Variants in SDK2 observed in about 807,000 individuals in gnomAD.
SDK2 encodes sidekick cell adhesion molecule 2.
Under a neutral mutation model 253.9 loss-of-function variants are expected in SDK2, and 105 were observed. The observed-to-expected ratio is 0.41, with a 90% CI of 0.35 to 0.49. SDK2 has a LOEUF of 0.49. Among genes scored for constraint, SDK2 ranks in the 20% least tolerant of loss-of-function variants. The pLI is 0.06. For synonymous variants in SDK2, 1,249 were observed against 1,234.9 expected, an observed-to-expected ratio of 1.01 and a Z score of -0.24; for missense variants, 2,608 against 3,003.0, an observed-to-expected ratio of 0.87 and a Z score of 3.07.
At position 73,352,499 on chromosome 17, in the gene SDK2, G is replaced by A; in HGVS notation, c.5732C>T (p.Pro1911Leu). The change falls in exon 41 of 45, where the codon CCC (proline) becomes CTC (leucine). Residue 1911 changes from proline (P) to leucine (L), a missense_variant. Pro to Leu is a moderately conservative substitution (Grantham distance 98). This residue lies in a region of SDK2 where 1,103 missense variants were observed against 1,143.9 expected (regional missense o/e 0.96). Coordinates refer to ENST00000392650, the MANE Select transcript of SDK2 (RefSeq NM_001144952.2). The surrounding 1 kb of genome is among the most constrained non-coding windows in gnomAD (Gnocchi z 4.1). ...TGGCACAGACTGGGAGGGGCTGCTG[G>A]GGGTGCCGAAACCATAGTCGTTGAC... is the stretch of plus-strand genomic sequence containing the variant. ...IAVNDYGFGTPSSPSQSVPAQ... is the reference protein window; with the variant it reads ...IAVNDYGFGTLSSPSQSVPAQ... 2 of 1,613,672 alleles carry A rather than the reference G, an allele frequency of 1.2e-6. No homozygotes were observed. The highest frequency in any genetic ancestry group is 1.7e-6 in the Non-Finnish European group (2 of 1,179,794).
rs200499035 is a variant in SDK2, at chr17:73,358,072, G to C, written c.5593+7C>G. 1.9e-6 allele frequency: 3 copies of C among 1,613,146 alleles called. No homozygotes were observed. The highest frequency in any genetic ancestry group is 1.1e-5 in the South Asian group (1 of 91,070). ...GTGGGGTCTCAGCCCAGCAGGGCGG[G>C]GCGCACCTGAAGGTCTGGCCTCGAT... On this transcript the variant is annotated splice_region_variant and intron_variant, in intron 40 of 44. Coordinates refer to ENST00000392650, the MANE Select transcript of SDK2 (RefSeq NM_001144952.2).
intron 1 of SDK2, among the ~76,000 whole-genome samples, chr17:73,579,119 C>T (rs576942476): frequency 6.6e-6 from 1 of 152,000 alleles, no homozygotes; most frequent in East Asian, 1.9e-4. Context: ...TGGTGTTCTT[C>T]CACATCTCTC....
intron 24 of SDK2, among the ~76,000 whole-genome samples, chr17:73,396,048 C>G (rs1457832512): frequency 6.6e-6 from 1 of 152,118 alleles, no homozygotes; most frequent in Admixed American, 6.6e-5. Flanking sequence ...TAGGCGTGTG[C>G]CACTATGCCT....
intron 18 of SDK2, among the ~76,000 whole-genome samples, chr17:73,413,830 G>C (rs527519776): frequency 6.6e-6 from 1 of 152,074 alleles, no homozygotes; most frequent in Non-Finnish European, 1.5e-5. Context: ...AAGAACATGC[G>C]CAGGTTGCCA....
At chr17:73,362,937 G>C (rs1204338748) in intron 38 of SDK2, among the ~76,000 whole-genome samples, 1 of 152,256 alleles carries the variant, frequency 6.6e-6, no homozygotes, top group African/African-American at 2.4e-5. Flanking sequence ...CCCAGTGATG[G>C]CGCCGGCCCC....
At chr17:73,483,703 ATATAT>A (rs1187735513) in intron 2 of SDK2, among the ~76,000 whole-genome samples, 47 of 60,212 alleles carry the variant, frequency 7.8e-4, no homozygotes, top group African/African-American at 2.2e-3. Context: ...ATATATATAT[ATATAT>A]TTTTTTTTTT....
intron 15 of SDK2, 92 bp downstream of exon 15, chr17:73,422,195 G>T: frequency 7.0e-7 from 1 of 1,426,728 alleles, no homozygotes. Flanking sequence ...GGGCCAGGAG[G>T]AGCTGAGCCA....
intron 2 of SDK2, among the ~76,000 whole-genome samples, chr17:73,495,674 G>A (rs531454495): frequency 1.3e-4 from 19 of 151,690 alleles, no homozygotes; most frequent in Admixed American, 7.9e-4. Flanking sequence ...GTGTGCATGC[G>A]TGCTATGTAG....
chr17:73,474,730 C>T (rs1015266728), intron 2 of SDK2, among the ~76,000 whole-genome samples: 1 of 152,104 alleles, frequency 6.6e-6, no homozygotes, highest in African/African-American at 2.4e-5. Flanking sequence ...GAGGGGAGGC[C>T]ACTGTGGGGG....
rs192699875 is a variant in SDK2, at chr17:73,377,136, T to G, written c.4980+2041A>C. ...CCAGCCGCCAAGAATGAGAGTCAAC[T>G]GGACACTGGTGCGGGAGGCAGACAC... On this transcript the variant is annotated intron_variant, in intron 36 of 44. Coordinates refer to ENST00000392650, the MANE Select transcript of SDK2 (RefSeq NM_001144952.2). 2.4e-3 allele frequency among the ~76,000 whole-genome samples: 362 copies of G among 152,078 alleles called. 1 individual carries two copies. The highest frequency in any genetic ancestry group is 4.1e-3 in the Non-Finnish European group (281 of 68,002).
At chr17:73,634,466 T>A in intron 1 of SDK2, among the ~76,000 whole-genome samples, 1 of 152,248 alleles carries the variant, frequency 6.6e-6, no homozygotes, top group East Asian at 1.9e-4. Context: ...GCAAATGCGA[T>A]GTCTATGAAA....
chr17:73,622,402 C>T (rs2046144291), intron 1 of SDK2, among the ~76,000 whole-genome samples: 1 of 152,226 alleles, frequency 6.6e-6, no homozygotes, highest in South Asian at 2.1e-4. Context: ...GTGAGTCCCT[C>T]CTGAACTACA....
rs771037981 is a variant in SDK2, at chr17:73,431,557, G to A, written c.1425C>T (p.Cys475=). 1.2e-5 allele frequency: 19 copies of A among 1,613,828 alleles called. No homozygotes were observed. The highest frequency in any genetic ancestry group is 1.5e-5 in the Non-Finnish European group (18 of 1,179,806). Reference sequence around the variant, plus strand: ...CGACCCCCCGAGAGTTGGTGGCCAGGCAGGTGTAGGTCCCCGCATCGGAGA... The same window carrying A: ...CGACCCCCCGAGAGTTGGTGGCCAGACAGGTGTAGGTCCCCGCATCGGAGA... The part of the protein sequence containing the change: ...THISDAGTYT[C]LATNSRGVDE... The change falls in exon 11 of 45, where the codon TGC becomes TGT. Residue 475 remains cysteine (C), a synonymous_variant. Coordinates refer to ENST00000392650, the MANE Select transcript of SDK2 (RefSeq NM_001144952.2). The surrounding 1 kb of genome is among the most constrained non-coding windows in gnomAD (Gnocchi z 5.6).
intron 36 of SDK2, among the ~76,000 whole-genome samples, chr17:73,378,666 C>T (rs1017780728): frequency 4.6e-5 from 7 of 152,198 alleles, no homozygotes; most frequent in Admixed American, 1.3e-4. Flanking sequence ...GTGATCTGCC[C>T]GCCTCGGCCT....
At chr17:73,412,883 C>T (rs1002437726) in intron 18 of SDK2, among the ~76,000 whole-genome samples, 5 of 152,152 alleles carry the variant, frequency 3.3e-5, no homozygotes, top group African/African-American at 1.2e-4. Context: ...TCTTTGGACA[C>T]AGACACAGAG....
At chr17:73,354,324 G>C (rs1474639371) in intron 40 of SDK2, among the ~76,000 whole-genome samples, 1 of 152,192 alleles carries the variant, frequency 6.6e-6, no homozygotes, top group Non-Finnish European at 1.5e-5. Flanking sequence ...GTGGCTCTCT[G>C]GGCCTTGCCC....
intron 4 of SDK2, among the ~76,000 whole-genome samples, chr17:73,450,457 TG>T (rs2063483008): frequency 6.6e-6 from 1 of 152,142 alleles, no homozygotes; most frequent in Non-Finnish European, 1.5e-5. Context: ...ATGAGCACTA[TG>T]TGCCGGGACC....
intron 4 of SDK2, among the ~76,000 whole-genome samples, chr17:73,448,457 C>T (rs1165103746): frequency 6.6e-6 from 1 of 152,010 alleles, no homozygotes; most frequent in African/African-American, 2.4e-5. Flanking sequence ...CTCTGCCTCC[C>T]GGGTTCAAGC....
At chr17:73,448,643 C>G (rs1036729661) in intron 4 of SDK2, among the ~76,000 whole-genome samples, 4 of 151,230 alleles carry the variant, frequency 2.6e-5, no homozygotes, top group South Asian at 4.2e-4. Context: ...GGATTACAGG[C>G]GTGAGCCACT....
Sources: allele counts gnomAD v4.1 joint callset (sites outside exome capture counted in the v4.1 genomes callset), GRCh38; gene constraint gnomAD v4.1.1; regional missense constraint gnomAD v4.1.1; non-coding constraint Gnocchi (gnomAD v3.1); transcripts MANE v1.5; gene names NCBI Gene and HGNC (gene_info 2026-07-23, HGNC 2026-07-21).